Variants in ABTB2 observed in about 807,000 individuals in gnomAD.
ABTB2 encodes ankyrin repeat and BTB domain containing 2, also known as ankyrin repeat and BTB/POZ domain-containing protein 2.
ABTB2 carries 56 observed loss-of-function variants against 104.1 expected under a neutral mutation model. That is an observed-to-expected ratio of 0.54 (90% CI 0.43 to 0.67). ABTB2 has a LOEUF of 0.67. Ranked by LOEUF, ABTB2 falls within the 30% of genes least tolerant of loss-of-function variation. The pLI is 0.00. For synonymous variants in ABTB2, 606 were observed against 608.2 expected (o/e 1.00, Z 0.05); for missense variants, 1,279 against 1,407.7 (o/e 0.91, Z 1.46).
At chr11:34,176,524 C>T (rs1852963133) in intron 3 of ABTB2, among the ~76,000 whole-genome samples, 1 of 152,102 alleles carries the variant, frequency 6.6e-6, no homozygotes, top group South Asian at 2.1e-4. Flanking sequence ...CGCCTGTAGT[C>T]CCAGCTACTT....
intron 1 of ABTB2, among the ~76,000 whole-genome samples, chr11:34,255,764 G>A (rs756077147): frequency 1.3e-5 from 2 of 152,134 alleles, no homozygotes; most frequent in African/African-American, 4.8e-5. Context: ...TGATCCGCAC[G>A]CCTCGGCCTC....
intron 1 of ABTB2, among the ~76,000 whole-genome samples, chr11:34,347,341 CAGA>C (rs1432066577): frequency 1.3e-5 from 2 of 152,114 alleles, no homozygotes; most frequent in East Asian, 1.9e-4. Context: ...GAGGCTGAGG[CAGA>C]AGAATTGCTT....
intron 1 of ABTB2, among the ~76,000 whole-genome samples, chr11:34,303,973 TACCTGAGGTCA>T (rs1854742460): frequency 6.6e-6 from 1 of 152,092 alleles, no homozygotes; most frequent in Non-Finnish European, 1.5e-5. Flanking sequence ...TGGTTTCAGT[TACCTGAGGTCA>T]ACTATGGTCT....
intron 1 of ABTB2, among the ~76,000 whole-genome samples, chr11:34,221,613 G>C (rs1253205226): frequency 1.3e-5 from 2 of 152,228 alleles, no homozygotes; most frequent in Non-Finnish European, 2.9e-5. Flanking sequence ...GCTTGAGGTG[G>C]TGACGGCAAA....
At chr11:34,318,052 CAG>C (rs1854960591) in intron 1 of ABTB2, among the ~76,000 whole-genome samples, 2 of 152,054 alleles carry the variant, frequency 1.3e-5, no homozygotes, top group Admixed American at 6.5e-5. Context: ...CTGCAACCTC[CAG>C]CTCCTGGGTT....
Position 34,197,531 on chromosome 11 carries a change from C to A in ABTB2, c.1038G>T (p.Leu346Phe). The A allele has an allele frequency of 6.4e-7, 1 of 1,570,170 alleles. No homozygotes were observed. Among genetic ancestry groups the A allele is most frequent in the Admixed American group, 1.8e-5 (1 of 54,260 alleles). ...CVGSISELSD[L>F]VSRAMHHMQG... is the part of the protein sequence containing the mutation. ...GCATGTGGTGCATGGCACGGGAGACCAAGTCACCTGGTGGGGGGCGGGGAG... is the reference window on the plus strand; with the variant it reads ...GCATGTGGTGCATGGCACGGGAGACAAAGTCACCTGGTGGGGGGCGGGGAG... Residue 346 changes from leucine to phenylalanine, a missense_variant, in exon 3 of 17, where the codon TTG (leucine) becomes TTT (phenylalanine). Leu to Phe is a conservative substitution (Grantham distance 22). Coordinates refer to ENST00000435224, the MANE Select transcript of ABTB2 (RefSeq NM_145804.3).
intron 1 of ABTB2, among the ~76,000 whole-genome samples, chr11:34,254,581 A>G (rs1854097685): frequency 6.6e-6 from 1 of 151,838 alleles, no homozygotes; most frequent in Non-Finnish European, 1.5e-5. Context: ...GTTTCCTTAC[A>G]TTCATGTATG....
chr11:34,323,228 G>C (rs1286699088), intron 1 of ABTB2, among the ~76,000 whole-genome samples: 1 of 152,122 alleles, frequency 6.6e-6, no homozygotes, highest in Admixed American at 6.6e-5. Context: ...TTTTTTAAGG[G>C]ATACATACTG....
intron 1 of ABTB2, among the ~76,000 whole-genome samples, chr11:34,231,002 C>T (rs930612227): frequency 3.9e-5 from 6 of 152,144 alleles, no homozygotes; most frequent in Non-Finnish European, 7.4e-5. Context: ...TGAGCCACCG[C>T]ACACAGCAGA....
At position 34,252,286 on chromosome 11, in the gene ABTB2, C is replaced by T. The variant is rs979728445; in HGVS notation, c.884-47596G>A. Among the ~76,000 whole-genome samples, 6 of 152,198 alleles carry T rather than the reference C, an allele frequency of 3.9e-5. No individual in the cohort carries two copies. The highest frequency in any genetic ancestry group is 2.6e-4 in the Admixed American group (4 of 15,278). On this transcript the variant is annotated intron_variant, in intron 1 of 16. Coordinates refer to ENST00000435224, the MANE Select transcript of ABTB2 (RefSeq NM_145804.3). This position sits in a 1 kb window ranked among gnomAD's most constrained non-coding sequence, Gnocchi z 5.5. The stretch of plus-strand genomic sequence containing the variant: ...ATGCACGAGCCTCTTCCTGAACCAT[C>T]GCATCTCCCCACTTCCTATCAGCCT...
At chr11:34,241,328 G>C (rs1853913291) in intron 1 of ABTB2, among the ~76,000 whole-genome samples, 1 of 152,192 alleles carries the variant, frequency 6.6e-6, no homozygotes, top group Non-Finnish European at 1.5e-5. Flanking sequence ...TGTGCGTTGA[G>C]AGAGCCAGGA....
At chr11:34,220,703 C>T (rs552022595) in intron 1 of ABTB2, among the ~76,000 whole-genome samples, 18 of 152,328 alleles carry the variant, frequency 1.2e-4, no homozygotes, top group Admixed American at 2.6e-4. Context: ...ATCCCTGAAC[C>T]TCTTGTTGCA....
In ABTB2 at chr11:34,152,331, ATGG is replaced by A. The variant is rs1395002628; in HGVS notation, c.*53_*55del. The A allele has an allele frequency of 6.6e-7, 1 of 1,515,636 alleles. No homozygotes were observed. Among genetic ancestry groups the A allele is most frequent in the Non-Finnish European group, 8.9e-7 (1 of 1,127,548 alleles). The allele number at this position is 1,515,636 out of a possible 1,614,324, so 93.9% of individuals were successfully genotyped here. A position where few individuals can be genotyped will look rare whatever the true frequency, so the allele number is the denominator to read the frequency against. On this transcript the variant is annotated 3_prime_UTR_variant, in exon 17 of 17. Transcript: ENST00000435224. Reference sequence around the variant, plus strand: ...AGAGGGCCTACAACCATACCCCGACATGGTGGGCCCTGGCACCTCCACAGGCCC... The same window carrying A: ...AGAGGGCCTACAACCATACCCCGACATGGGCCCTGGCACCTCCACAGGCCC...
chr11:34,353,526 G>A (rs1855425313), intron 1 of ABTB2, among the ~76,000 whole-genome samples: 1 of 152,224 alleles, frequency 6.6e-6, no homozygotes, highest in Non-Finnish European at 1.5e-5. Context: ...TAATGGCCTT[G>A]CCATGGGATT....
chr11:34,270,732 GAAC>G (rs1854304815), intron 1 of ABTB2, among the ~76,000 whole-genome samples: 1 of 152,172 alleles, frequency 6.6e-6, no homozygotes, highest in Non-Finnish European at 1.5e-5. Context: ...TGGGGGGTGG[GAAC>G]AGCATTTGCC....
chr11:34,166,767 G>A (rs1852806142), intron 7 of ABTB2, among the ~76,000 whole-genome samples: 1 of 152,248 alleles, frequency 6.6e-6, no homozygotes, highest in East Asian at 1.9e-4. Flanking sequence ...TACCTGAGCT[G>A]AGGTGGGCAA....
intron 1 of ABTB2, among the ~76,000 whole-genome samples, chr11:34,265,276 G>C (rs2755170): frequency 0.16 from 24,595 of 152,148 alleles, 5,502 homozygotes; most frequent in African/African-American, 0.51. Context: ...ACCAGCATTG[G>C]TGCAATGTCA....
chr11:34,254,862 G>A (rs1854102496), intron 1 of ABTB2, among the ~76,000 whole-genome samples: 1 of 152,006 alleles, frequency 6.6e-6, no homozygotes, highest in African/African-American at 2.4e-5. Flanking sequence ...AATAGAGACA[G>A]TGTTTCCACC....
Position 34,159,277 on chromosome 11 carries a change from G to T in ABTB2, c.2697+19C>A. ...AGGGTCATCCCTCTGAGAAGAGGGC[G>T]GCACCAAGACCCACACACCTGAAAA... On this transcript the variant is annotated intron_variant, in intron 14 of 16. Coordinates refer to ENST00000435224, the MANE Select transcript of ABTB2 (RefSeq NM_145804.3). The T allele has an allele frequency of 6.3e-7, 1 of 1,598,318 alleles. No homozygotes were observed. The highest frequency in any genetic ancestry group is 8.6e-7 in the Non-Finnish European group (1 of 1,167,356).
Sources: gnomAD v4.1 joint callset for allele counts (sites outside exome capture counted in the v4.1 genomes callset) on GRCh38, gnomAD v4.1.1 for gene constraint, Gnocchi (gnomAD v3.1) non-coding constraint, MANE v1.5 for transcripts, NCBI Gene and HGNC (gene_info 2026-07-23, HGNC 2026-07-21) for gene names.